SNTG1: variants seen among roughly 807,000 people sequenced by gnomAD.
SNTG1 encodes syntrophin gamma 1, also known as gamma-1-syntrophin.
In SNTG1, 39 loss-of-function variants were observed where a neutral mutation model predicts 74.7. That is an observed-to-expected ratio of 0.52 (90% CI 0.40 to 0.68). The LOEUF (loss-of-function observed/expected upper bound fraction) is 0.68. Among genes scored for constraint, SNTG1 ranks in the 30% least tolerant of loss-of-function variants. The probability of loss-of-function intolerance (pLI) is 0.00; values close to 1 mark genes in which losing one functional copy is unlikely to be tolerated. For synonymous variants in SNTG1, 254 were observed against 217.1 expected, an observed-to-expected ratio of 1.17 and a Z score of -1.49; for missense variants, 685 against 609.5, an observed-to-expected ratio of 1.12 and a Z score of -1.30.
chr8:50,381,082 G>C (rs2092471332), intron 2 of SNTG1: 2 of 152,102 alleles, frequency 1.3e-5, no homozygotes, highest in African/African-American at 4.8e-5. Context: ...AGATGAGGTA[G>C]GGGACATTCA....
intron 1 of SNTG1, among the ~76,000 whole-genome samples, chr8:49,925,720 A>C (rs1806962657): frequency 1.3e-5 from 2 of 152,136 alleles, no homozygotes; most frequent in African/African-American, 4.8e-5. Context: ...CATTTTTTGC[A>C]CTCAGAGTAA....
chr8:50,369,602 G>GAAAA lies in SNTG1; in HGVS notation c.-27-24601_-27-24598dup, dbSNP rs71233488. 1.6e-3 allele frequency among the ~76,000 whole-genome samples: 221 copies of GAAAA among 139,152 alleles called. 1 individual carries two copies. Among genetic ancestry groups the GAAAA allele is most frequent in the African/African-American group, 4.0e-3 (152 of 37,954 alleles). The allele number at this position is 139,152 out of a possible 152,430, so 91.3% of individuals were successfully genotyped here. A position where few individuals can be genotyped will look rare whatever the true frequency, so the allele number is the denominator to read the frequency against. On this transcript the variant is annotated intron_variant, in intron 2 of 18. Transcript: ENST00000642720. The stretch of plus-strand genomic sequence containing the variant: ...CAAGAGCAAAACTCCGTCCCAAAAA[G>GAAAA]AAAAAAAAAAAAGAAAAGAAACAGA...
chr8:49,963,574 A>T (rs1298771385), intron 1 of SNTG1, among the ~76,000 whole-genome samples: 7 of 151,908 alleles, frequency 4.6e-5, no homozygotes, highest in Non-Finnish European at 1.0e-4. Context: ...CATGCAGAAA[A>T]CTTTCCTGAT....
intron 4 of SNTG1, among the ~76,000 whole-genome samples, chr8:50,417,661 T>C (rs993612697): frequency 6.6e-6 from 1 of 152,148 alleles, no homozygotes; most frequent in South Asian, 2.1e-4. Context: ...CAATGTCGTA[T>C]CAACTTCTCT....
intron 2 of SNTG1, among the ~76,000 whole-genome samples, chr8:50,368,581 GAT>G (rs2131129893): frequency 6.6e-6 from 1 of 152,200 alleles, no homozygotes; most frequent in East Asian, 1.9e-4. Context: ...ACAGCAAATG[GAT>G]TACACCATCA....
intron 2 of SNTG1, among the ~76,000 whole-genome samples, chr8:50,217,514 A>G (rs2084851377): frequency 6.6e-6 from 1 of 152,156 alleles, no homozygotes; most frequent in African/African-American, 2.4e-5. Flanking sequence ...AAGTCTGTAT[A>G]CTGAAAATAG....
intron 12 of SNTG1, among the ~76,000 whole-genome samples, chr8:50,561,250 T>C (rs549168578): frequency 9.7e-4 from 147 of 152,226 alleles, no homozygotes; most frequent in African/African-American, 2.9e-3. Context: ...TGCTTCTCCT[T>C]TGCTTCCACC....
At chr8:50,126,651 T>C (rs1032128198) in intron 1 of SNTG1, among the ~76,000 whole-genome samples, 11 of 151,916 alleles carry the variant, frequency 7.2e-5, no homozygotes, top group African/African-American at 2.7e-4. Flanking sequence ...ATATTATATA[T>C]TATATATAAC....
chr8:50,686,992 G>A (rs374702749), intron 15 of SNTG1, among the ~76,000 whole-genome samples: 86 of 151,078 alleles, frequency 5.7e-4, no homozygotes, highest in East Asian at 2.7e-3. Flanking sequence ...AAAATTAGCC[G>A]GGCGCAGTGG....
At chr8:50,476,185 G>T (rs2093695853) in intron 8 of SNTG1, among the ~76,000 whole-genome samples, 1 of 152,138 alleles carries the variant, frequency 6.6e-6, no homozygotes, top group African/African-American at 2.4e-5. Context: ...GAGTAATGAT[G>T]CTGGCATATT....
intron 12 of SNTG1, among the ~76,000 whole-genome samples, chr8:50,576,365 T>A (rs771891570): frequency 6.6e-6 from 1 of 152,222 alleles, no homozygotes; most frequent in Non-Finnish European, 1.5e-5. Flanking sequence ...AGCACATAGT[T>A]TACTGTAGTA....
At chr8:50,324,938 CATATAT>C (rs201152206) in intron 2 of SNTG1, among the ~76,000 whole-genome samples, 64,770 of 133,644 alleles carry the variant, frequency 0.48, 17,393 homozygotes, top group Middle Eastern at 0.6. Flanking sequence ...GCATTTTATA[CATATAT>C]ATATATATAT....
intron 2 of SNTG1, among the ~76,000 whole-genome samples, chr8:50,390,485 T>A (rs1278883533): frequency 6.6e-6 from 1 of 152,324 alleles, no homozygotes; most frequent in South Asian, 2.1e-4. Flanking sequence ...TGTAGTATAG[T>A]TTGAAGTCAG....
chr8:50,523,146 T>C (rs1024518915), intron 9 of SNTG1, among the ~76,000 whole-genome samples: 4 of 152,268 alleles, frequency 2.6e-5, no homozygotes, highest in South Asian at 2.1e-4. Flanking sequence ...TCAGCCTTTA[T>C]AGAATTGAAG....
intron 1 of SNTG1, among the ~76,000 whole-genome samples, chr8:50,043,583 T>G (rs532807799): frequency 6.6e-6 from 1 of 152,304 alleles, no homozygotes; most frequent in African/African-American, 2.4e-5. Flanking sequence ...GGCCTCACAC[T>G]CTTGAAGCTG....
At chr8:50,604,864 A>C (rs1252016218) in intron 13 of SNTG1, among the ~76,000 whole-genome samples, 1 of 152,142 alleles carries the variant, frequency 6.6e-6, no homozygotes, top group Non-Finnish European at 1.5e-5. Context: ...TCTCACCTGA[A>C]GCCAGCATGT....
Position 50,793,285 on chromosome 8 carries a change from C to T in SNTG1, c.*456C>T, listed in dbSNP as rs570356119. On this transcript the variant is annotated 3_prime_UTR_variant, in exon 19 of 19. Coordinates refer to ENST00000642720, the MANE Select transcript of SNTG1 (RefSeq NM_018967.5). ...TGAGGGACATAAAAGAGTTAAAAAC[C>T]ATAAATCAGCAAGGAGCATGCAAAA... The T allele has an allele frequency of 1.3e-5, 2 of 152,104 alleles. No individual in the cohort carries two copies. The highest frequency in any genetic ancestry group is 4.2e-4 in the South Asian group (2 of 4,812). 9.4% of individuals were successfully genotyped at this position (152,104 alleles called of 1,614,324 possible).
chr8:50,337,865 A>G (rs571651252), intron 2 of SNTG1, among the ~76,000 whole-genome samples: 69 of 152,312 alleles, frequency 4.5e-4, no homozygotes, highest in Middle Eastern at 3.4e-3. Context: ...GGCCGGGCGC[A>G]GTGGCTCACG....
At chr8:50,613,521 A>G (rs1010502035) in intron 13 of SNTG1, among the ~76,000 whole-genome samples, 1 of 152,190 alleles carries the variant, frequency 6.6e-6, no homozygotes, top group African/African-American at 2.4e-5. Context: ...CATTTTAGCT[A>G]TACTCTTTCA....
Sources: allele counts gnomAD v4.1 joint callset (sites outside exome capture counted in the v4.1 genomes callset), GRCh38; gene constraint gnomAD v4.1.1; transcripts MANE v1.5; gene names NCBI Gene and HGNC (gene_info 2026-07-23, HGNC 2026-07-21).